VPS16: variants seen among roughly 807,000 people sequenced by gnomAD.
VPS16 encodes vacuolar protein sorting-associated protein 16 homolog.
Under a neutral mutation model 116.0 loss-of-function variants are expected in VPS16, and 82 were observed. The observed-to-expected ratio is 0.71, with a 90% confidence interval of 0.59 to 0.85. The LOEUF (loss-of-function observed/expected upper bound fraction) is 0.85, where lower values mean the gene tolerates loss of function less well. Among genes scored for constraint, VPS16 ranks in the 40% least tolerant of loss-of-function variants. VPS16 has a pLI of 0.00. For missense variants in VPS16, 928 were observed against 1,090.6 expected, an observed-to-expected ratio of 0.85 and a Z score of 2.10; for synonymous variants, 406 against 420.7, an observed-to-expected ratio of 0.96 and a Z score of 0.43.
rs2089221124 is a variant in VPS16 at position 2,860,931 on chromosome 20, G to A, written c.631-39G>A. 1.9e-6 allele frequency: 3 copies of A among 1,614,052 alleles called. No homozygotes were observed. Among genetic ancestry groups the A allele is most frequent in the Non-Finnish European group, 2.5e-6 (3 of 1,180,038 alleles). ...GCAATAGGGAGGTTCTGAAAAGTCA[G>A]TATGTATCTGTCCCACCCCTACCCT... On this transcript the variant is annotated intron_variant, in intron 6 of 23. Coordinates refer to ENST00000380445, the MANE Select transcript of VPS16 (RefSeq NM_022575.4). The surrounding 1 kb of genome is among the most constrained non-coding windows in gnomAD (Gnocchi z 6.1).
intron 1 of VPS16, among the ~76,000 whole-genome samples, chr20:2,852,662 A>G (rs1308119955): frequency 1.3e-5 from 2 of 152,260 alleles, no homozygotes; most frequent in Non-Finnish European, 2.9e-5. Context: ...TTATGTTTAC[A>G]GTATACTGTA....
chr20:2,854,516 G>A (rs1568624970), intron 1 of VPS16, among the ~76,000 whole-genome samples: 1 of 151,492 alleles, frequency 6.6e-6, no homozygotes, highest in Non-Finnish European at 1.5e-5. Flanking sequence ...AATTGAGGCC[G>A]GGCGTGGTGG....
rs770478896 is a variant in VPS16 at position 2,861,625 on chromosome 20, C to A, written c.820C>A (p.Pro274Thr). The change falls in exon 9 of 24, where the codon CCT (proline) becomes ACT (threonine). Residue 274 changes from proline to threonine, a missense_variant. By Grantham distance (38) the Pro-to-Thr change is conservative. Transcript: ENST00000380445. ...ATATGCTGCTCACAGGTGCAGCCGT[C>A]CTCGTAGCAAGGAGAGGGCCGTGGT... ...PPKQMVWCSR[P>T]RSKERAVVVA... 1 of 1,611,442 alleles carries A rather than the reference C, an allele frequency of 6.2e-7. No individual in the cohort carries two copies. The highest frequency in any genetic ancestry group is 1.1e-5 in the South Asian group (1 of 90,568).
rs769028348 is a variant in VPS16, at chr20:2,865,153, A to G, written c.2010A>G (p.Thr670=). 7 of 1,614,098 alleles carry G rather than the reference A, an allele frequency of 4.3e-6. No individual in the cohort carries two copies. The highest frequency in any genetic ancestry group is 5.1e-6 in the Non-Finnish European group (6 of 1,179,980). Residue 670 remains threonine (T), a synonymous_variant, in exon 21 of 24, where the codon ACA becomes ACG. Transcript: ENST00000380445. This position sits in a 1 kb window ranked among gnomAD's most constrained non-coding sequence, Gnocchi z 5.2. ...KAKNEFAAKA[T]EDQMRLLRLQ... is the part of the protein sequence containing the mutation. The stretch of plus-strand genomic sequence containing the variant: ...CTCATTATCCGGGTCCCCAGGCTAC[A>G]GAGGATCAAATGCGGCTCCTACGGC...
At position 2,842,681 on chromosome 20, in the gene VPS16, T is replaced by TACATCTAGATGTATCTATATATAG. The variant is rs1298593108; in HGVS notation, c.53+1855_53+1856insCATCTAGATGTATCTATATATAGA. Among the ~76,000 whole-genome samples the TACATCTAGATGTATCTATATATAG allele has an allele frequency of 2.4e-4, 25 of 106,244 alleles. 2 individuals carry two copies. Among genetic ancestry groups the TACATCTAGATGTATCTATATATAG allele is most frequent in the African/African-American group, 1.4e-3 (24 of 17,048 alleles). The allele number at this position is 106,244 out of a possible 152,430, so 69.7% of individuals were successfully genotyped here. ...AGATATATAGATGTATCTATATATA[T>TACATCTAGATGTATCTATATATAG]ATAGATACATCTAGATGTATCTATA... On this transcript the variant is annotated intron_variant, in intron 1 of 23. Transcript: ENST00000380445.
chr20:2,844,714 A>T (rs560658873), intron 1 of VPS16, among the ~76,000 whole-genome samples: 5 of 152,348 alleles, frequency 3.3e-5, no homozygotes, highest in Non-Finnish European at 7.3e-5. Flanking sequence ...AGAAGTAATA[A>T]TACCCTATCC....
In VPS16 at chr20:2,861,917, G is replaced by A. The variant is rs2089232607; in HGVS notation, c.994+18G>A. ...GGTTCCAGGTGAGGCCTTCACAAGG[G>A]CACCACATAACCCAAGGTGGGGACT... On this transcript the variant is annotated intron_variant, in intron 10 of 23. Coordinates refer to ENST00000380445, the MANE Select transcript of VPS16 (RefSeq NM_022575.4). The A allele has an allele frequency of 6.2e-7, 1 of 1,612,062 alleles. No individual in the cohort carries two copies. Among genetic ancestry groups the A allele is most frequent in the African/African-American group, 1.3e-5 (1 of 74,916 alleles).
intron 1 of VPS16, among the ~76,000 whole-genome samples, chr20:2,859,402 T>C (rs1419106634): frequency 1.3e-5 from 2 of 152,224 alleles, no homozygotes; most frequent in Non-Finnish European, 2.9e-5. Context: ...TAGTTCTATC[T>C]CAGTTTGTGC....
chr20:2,854,264 C>CAA lies in VPS16; in HGVS notation c.54-5453_54-5452dup, dbSNP rs2089150197. Among the ~76,000 whole-genome samples, 3 of 150,132 alleles carry CAA rather than the reference C, an allele frequency of 2.0e-5. 1 individual carries two copies. Among genetic ancestry groups the CAA allele is most frequent in the African/African-American group, 7.4e-5 (3 of 40,620 alleles). On this transcript the variant is annotated intron_variant, in intron 1 of 23. Coordinates refer to ENST00000380445, the MANE Select transcript of VPS16 (RefSeq NM_022575.4). ...ACACACACACACACACACACACACA[C>CAA]AAATTTTTTAGCCAAGTGCACTAGC... is the stretch of plus-strand genomic sequence containing the variant.
chr20:2,864,879 G>T lies in VPS16; in HGVS notation c.1927-99G>T. The T allele has an allele frequency of 6.5e-7, 1 of 1,532,716 alleles. No individual in the cohort carries two copies. The highest frequency in any genetic ancestry group is 1.1e-5 in the South Asian group (1 of 88,632). The allele number at this position is 1,532,716 out of a possible 1,614,324, so 94.9% of individuals were successfully genotyped here. A position where few individuals can be genotyped will look rare whatever the true frequency, so the allele number is the denominator to read the frequency against. ...CCTAGCAGGCAAGGCTGACCCTGGC[G>T]ACCCTGGGCACAGGGATGGGGGAGA... is the stretch of plus-strand genomic sequence containing the variant. On this transcript the variant is annotated intron_variant, in intron 19 of 23. Transcript: ENST00000380445. The surrounding 1 kb of genome is among the most constrained non-coding windows in gnomAD (Gnocchi z 5.2).
intron 1 of VPS16, among the ~76,000 whole-genome samples, chr20:2,855,819 T>C (rs1034574758): frequency 2.0e-5 from 3 of 152,234 alleles, no homozygotes; most frequent in African/African-American, 7.2e-5. Flanking sequence ...TTTATAGAAT[T>C]TAAAGAGTTA....
At chr20:2,852,005 G>T (rs1391681203) in intron 1 of VPS16, among the ~76,000 whole-genome samples, 1 of 152,196 alleles carries the variant, frequency 6.6e-6, no homozygotes, top group East Asian at 1.9e-4. Context: ...GTGTGCAGAG[G>T]ACATTGGTGG....
At chr20:2,862,524 A>G (rs1242793755) in intron 11 of VPS16, 55 bp from the exon 12 acceptor site, 2 of 1,587,794 alleles carry the variant, frequency 1.3e-6, no homozygotes, top group Non-Finnish European at 1.7e-6. Flanking sequence ...GTTAGGGGCC[A>G]GATGTGGGAG....
At chr20:2,844,529 CAG>C (rs761208157) in intron 1 of VPS16, among the ~76,000 whole-genome samples, 90 of 152,204 alleles carry the variant, frequency 5.9e-4, no homozygotes, top group Non-Finnish European at 1.1e-3. Context: ...TATGATAAAA[CAG>C]ATGTGGAAGA....
chr20:2,848,929 G>A (rs962107969), intron 1 of VPS16, among the ~76,000 whole-genome samples: 2 of 152,184 alleles, frequency 1.3e-5, no homozygotes, highest in African/African-American at 2.4e-5. Context: ...TCTGGGAATG[G>A]TGCCATATTG....
intron 1 of VPS16, among the ~76,000 whole-genome samples, chr20:2,850,207 C>T (rs1262710879): frequency 6.6e-6 from 1 of 152,158 alleles, no homozygotes; most frequent in Admixed American, 6.5e-5. Context: ...CCTGTAATCC[C>T]CAGCTACTTG....
rs769508348 is a variant in VPS16, at chr20:2,865,335, C to A, written c.2174+18C>A. The A allele has an allele frequency of 6.2e-7, 1 of 1,614,066 alleles. No individual in the cohort carries two copies. The highest frequency in any genetic ancestry group is 1.1e-5 in the South Asian group (1 of 91,068). The stretch of plus-strand genomic sequence containing the variant: ...GACAAGAGGTAGGTGAGGGCCCAGG[C>A]TGCATGTGGGTCCCAGGACCACCTG... On this transcript the variant is annotated intron_variant, in intron 21 of 23. Transcript: ENST00000380445. This position sits in a 1 kb window ranked among gnomAD's most constrained non-coding sequence, Gnocchi z 5.2.
intron 1 of VPS16, among the ~76,000 whole-genome samples, chr20:2,841,557 T>C (rs2088974833): frequency 6.6e-6 from 1 of 152,182 alleles, no homozygotes; most frequent in Admixed American, 6.5e-5. Context: ...ATTTCTCTCT[T>C]TATCTCACTG....
chr20:2,851,896 G>A lies in VPS16; in HGVS notation c.54-7823G>A, dbSNP rs149416688. Among the ~76,000 whole-genome samples, 154 of 152,268 alleles carry A rather than the reference G, an allele frequency of 1.0e-3. No individual in the cohort carries two copies. In the East Asian group the frequency reaches 0.028, roughly 27 times the overall value. ...TGAGGTAGGAGGATGGCGTGAAGTC[G>A]GGAGGCGGAGCTTGCAGGAGCCGAG... On this transcript the variant is annotated intron_variant, in intron 1 of 23. Transcript: ENST00000380445.
Sources: allele counts gnomAD v4.1 joint callset (sites outside exome capture counted in the v4.1 genomes callset), GRCh38; gene constraint gnomAD v4.1.1; non-coding constraint Gnocchi (gnomAD v3.1); transcripts MANE v1.5; gene names NCBI Gene and HGNC (gene_info 2026-07-23, HGNC 2026-07-21).